The following RMND5A variants were observed in gnomAD, a reference collection of about 807,000 sequenced individuals.
RMND5A encodes required for meiotic nuclear division 5 homolog A.
Under a neutral mutation model 49.7 loss-of-function variants are expected in RMND5A, and 17 were observed. That is an observed-to-expected ratio of 0.34 (90% confidence interval 0.23 to 0.51). The LOEUF (loss-of-function observed/expected upper bound fraction) is 0.51. Among genes scored for constraint, RMND5A ranks in the 20% least tolerant of loss-of-function variants. The pLI is 0.96. For missense variants in RMND5A, 255 were observed against 471.3 expected, an observed-to-expected ratio of 0.54 and a Z score of 4.25; for synonymous variants, 156 against 167.7, an observed-to-expected ratio of 0.93 and a Z score of 0.54.
chr2:86,732,572 TTAG>T (rs1321041117), intron 1 of RMND5A, among the ~76,000 whole-genome samples: 3 of 148,494 alleles, frequency 2.0e-5, no homozygotes, highest in Non-Finnish European at 4.4e-5. Flanking sequence ...AACCAAGGTA[TTAG>T]TAGGGATTTT....
rs70958904 is a variant in RMND5A, at chr2:86,737,574, CATATAT to C, written c.143-3338_143-3333del. On this transcript the variant is annotated intron_variant, in intron 1 of 8. Transcript: ENST00000283632. ...TCATATAGTCCCATGCATTAAGTAT[CATATAT>C]ATATATATATATATGTCAGTGACTC... Among the ~76,000 whole-genome samples, 73 of 108,104 alleles carry C rather than the reference CATATAT, an allele frequency of 6.8e-4. 9 individuals carry two copies. Among genetic ancestry groups the C allele is most frequent in the African/African-American group, 3.1e-3 (64 of 20,684 alleles). The allele number at this position is 108,104 out of a possible 152,430, so 70.9% of individuals were successfully genotyped here.
chr2:86,771,771 G>A (rs935016052), intron 8 of RMND5A, 59 bp downstream of exon 8: 2 of 1,429,994 alleles, frequency 1.4e-6, no homozygotes, highest in Admixed American at 3.5e-5. Flanking sequence ...AACTTGGTAG[G>A]AGGATAAGAA....
chr2:86,763,410 A>G (rs1672537666), intron 4 of RMND5A, among the ~76,000 whole-genome samples: 1 of 152,180 alleles, frequency 6.6e-6, no homozygotes, highest in African/African-American at 2.4e-5. Context: ...CTGGCAGACT[A>G]GAGACTGCAA....
At chr2:86,745,139 A>G (rs539493695) in intron 2 of RMND5A, among the ~76,000 whole-genome samples, 1 of 152,224 alleles carries the variant, frequency 6.6e-6, no homozygotes, top group Admixed American at 6.5e-5. Flanking sequence ...TGACTTTTAA[A>G]GTTTACTTCC....
intron 6 of RMND5A, among the ~76,000 whole-genome samples, chr2:86,767,971 T>C (rs1672628796): frequency 6.6e-6 from 1 of 152,234 alleles, no homozygotes; most frequent in Non-Finnish European, 1.5e-5. Context: ...GTCTTTCTGT[T>C]AAGGTAGGCA....
intron 1 of RMND5A, among the ~76,000 whole-genome samples, chr2:86,737,488 A>T (rs921303957): frequency 2.9e-5 from 2 of 68,482 alleles, no homozygotes; most frequent in Non-Finnish European, 5.1e-5. Context: ...ATAAACTTGG[A>T]GTTCTCAAGA....
chr2:86,756,871 G>C (rs1450611187), intron 4 of RMND5A, among the ~76,000 whole-genome samples: 2 of 152,106 alleles, frequency 1.3e-5, no homozygotes, highest in Admixed American at 1.3e-4. Flanking sequence ...GCAGAGGCCA[G>C]CCAAAAATTT....
rs1558723165 is a variant in RMND5A at position 86,753,491 on chromosome 2, G to A, written c.454G>A (p.Glu152Lys). The change falls in exon 4 of 9, where the codon GAA becomes AAA. Residue 152 changes from glutamate to lysine, a missense_variant. By Grantham distance (56) the Glu-to-Lys change is moderately conservative (BLOSUM62 1). Transcript: ENST00000283632. ...SGLSVDPSQK[E>K]PFVELNRILE... is the part of the protein sequence containing the mutation. ...TCTTTCTGTAGACCCAAGTCAGAAG[G>A]AACCATTTGTGGAGTTAAATAGAAT... The A allele has an allele frequency of 1.9e-6, 3 of 1,611,582 alleles. No homozygotes were observed. The highest frequency in any genetic ancestry group is 1.3e-5 in the African/African-American group (1 of 74,864).
At chr2:86,746,958 G>A (rs1558721423) in intron 2 of RMND5A, among the ~76,000 whole-genome samples, 1 of 152,224 alleles carries the variant, frequency 6.6e-6, no homozygotes, top group Non-Finnish European at 1.5e-5. Context: ...TCTACAAAAT[G>A]CTGATTATGA....
chr2:86,770,175 TA>T, intron 7 of RMND5A, 50 bp downstream of exon 7: 1 of 1,217,064 alleles, frequency 8.2e-7, no homozygotes, highest in South Asian at 1.2e-5. Context: ...ATTAGAAGAA[TA>T]TGGCATCTTT....
At chr2:86,760,965 A>T (rs866893183) in intron 4 of RMND5A, among the ~76,000 whole-genome samples, 3 of 145,330 alleles carry the variant, frequency 2.1e-5, no homozygotes, top group South Asian at 2.3e-4. Context: ...GAGAGAGAGA[A>T]GTGTGTGTGT....
intron 4 of RMND5A, among the ~76,000 whole-genome samples, chr2:86,762,511 G>A (rs562799949): frequency 3.3e-5 from 5 of 151,932 alleles, no homozygotes; most frequent in African/African-American, 9.7e-5. Context: ...TGGATGCAGT[G>A]GTGCATGCTT....
intron 1 of RMND5A, among the ~76,000 whole-genome samples, chr2:86,737,572 A>G (rs1374258251): frequency 1.5e-5 from 1 of 66,056 alleles, no homozygotes; most frequent in Non-Finnish European, 2.9e-5. Context: ...TGCATTAAGT[A>G]TCATATATAT....
At chr2:86,762,516 A>G (rs1042309288) in intron 4 of RMND5A, among the ~76,000 whole-genome samples, 1 of 151,726 alleles carries the variant, frequency 6.6e-6, no homozygotes, top group Non-Finnish European at 1.5e-5. Flanking sequence ...GCAGTGGTGC[A>G]TGCTTGTAGT....
Position 86,765,849 on chromosome 2 carries a change from CT to C in RMND5A, c.689-3del, listed in dbSNP as rs769799634. 4 of 1,612,042 alleles carry C rather than the reference CT, an allele frequency of 2.5e-6. No homozygotes were observed. Among genetic ancestry groups the C allele is most frequent in the African/African-American group, 1.3e-5 (1 of 74,948 alleles). On this transcript the variant is annotated splice_polypyrimidine_tract_variant and intron_variant, in intron 5 of 8. Transcript: ENST00000283632. ...GCAAACTAATGCTTTCTTGCTGGTG[CT>C]TTTTTTAGACATTCAGGTTTTGATG...
At chr2:86,751,836 T>C in intron 2 of RMND5A, 60 bp from the exon 3 acceptor site, 2 of 1,531,544 alleles carry the variant, frequency 1.3e-6, no homozygotes, top group Non-Finnish European at 1.8e-6. Context: ...ACCATTTTTT[T>C]CCTGTTAAGT....
At chr2:86,760,103 G>A (rs1672420452) in intron 4 of RMND5A, among the ~76,000 whole-genome samples, 2 of 151,738 alleles carry the variant, frequency 1.3e-5, no homozygotes, top group Admixed American at 6.6e-5. Flanking sequence ...GGAGTGCAAT[G>A]GCGCAATCTT....
intron 4 of RMND5A, among the ~76,000 whole-genome samples, chr2:86,758,164 A>C (rs969123189): frequency 5.5e-5 from 1 of 18,030 alleles, no homozygotes; most frequent in Non-Finnish European, 1.2e-4. Context: ...CAAAAGGCAC[A>C]ACAAGATAAA....
In RMND5A at chr2:86,754,710, T is replaced by TA. The variant is rs1385116814; in HGVS notation, c.521+1153dup. Among the ~76,000 whole-genome samples, 4 of 152,124 alleles carry TA rather than the reference T, an allele frequency of 2.6e-5. No homozygotes were observed. The East Asian group carries it at 5.8e-4, about 22-fold the overall frequency. ...AGTTGGGACTACAGGACTGTGCCGTTATGCCCAGCTAATTAAAAAAAATTT... is the reference window on the plus strand; with the variant it reads ...AGTTGGGACTACAGGACTGTGCCGTTAATGCCCAGCTAATTAAAAAAAATTT... On this transcript the variant is annotated intron_variant, in intron 4 of 8. Coordinates refer to ENST00000283632, the MANE Select transcript of RMND5A (RefSeq NM_022780.4).
Sources: allele counts gnomAD v4.1 joint callset (sites outside exome capture counted in the v4.1 genomes callset), GRCh38; gene constraint gnomAD v4.1.1; transcripts MANE v1.5; gene names NCBI Gene and HGNC (gene_info 2026-07-23, HGNC 2026-07-21).